PDLIM1: variants seen among roughly 807,000 people sequenced by gnomAD.
PDLIM1 encodes PDZ and LIM domain 1, also known as PDZ and LIM domain protein 1.
PDLIM1 carries 25 observed loss-of-function variants against 35.2 expected under a neutral mutation model. That is an observed-to-expected ratio of 0.71 (90% CI 0.52 to 0.99). The LOEUF (loss-of-function observed/expected upper bound fraction) is 0.99, where lower values mean the gene tolerates loss of function less well. Ranked by LOEUF, PDLIM1 falls within the 50% of genes least tolerant of loss-of-function variation. The pLI is 0.00. For synonymous variants in PDLIM1, 152 were observed against 154.0 expected (o/e 0.99, Z 0.10); for missense variants, 363 against 415.3 (o/e 0.87, Z 1.09).
In PDLIM1 at chr10:95,264,678, G is replaced by A. The variant is rs45600134; in HGVS notation, c.334-615C>T. On this transcript the variant is annotated intron_variant, in intron 3 of 6. Transcript: ENST00000329399. ...GACAAGGCTAATCAGATAGAAGGTCGGGGATACCTGTTACAGGGGCGGTAC... is the reference window on the plus strand; with the variant it reads ...GACAAGGCTAATCAGATAGAAGGTCAGGGATACCTGTTACAGGGGCGGTAC... 6.6e-5 allele frequency among the ~76,000 whole-genome samples: 10 copies of A among 152,228 alleles called. No individual in the cohort carries two copies. In the East Asian group the frequency reaches 1.9e-3, roughly 29 times the overall value.
intron 1 of PDLIM1, among the ~76,000 whole-genome samples, chr10:95,277,529 A>G (rs968795925): frequency 2.0e-5 from 3 of 151,856 alleles, no homozygotes; most frequent in African/African-American, 7.3e-5. Flanking sequence ...TGTAATCCCA[A>G]TTACTCAGGG....
intron 1 of PDLIM1, chr10:95,273,107 G>A (rs533564197): frequency 2.6e-4 from 40 of 152,242 alleles, no homozygotes; most frequent in African/African-American, 9.6e-4. Context: ...AAATATTACT[G>A]TCATCATCCC....
chr10:95,252,177 C>G (rs980101821), intron 4 of PDLIM1, among the ~76,000 whole-genome samples: 5 of 152,184 alleles, frequency 3.3e-5, no homozygotes, highest in Non-Finnish European at 7.3e-5. Flanking sequence ...CATATTTCAT[C>G]CTTACCCAGC....
chr10:95,238,236 G>T (rs1194083839), intron 6 of PDLIM1, 125 bp from the exon 7 acceptor site: 1 of 793,946 alleles, frequency 1.3e-6, no homozygotes, highest in Non-Finnish European at 2.0e-6. Context: ...CATCACAGGG[G>T]AAACCAGGGC....
chr10:95,284,467 C>A (rs2035585615), intron 1 of PDLIM1, among the ~76,000 whole-genome samples: 1 of 152,080 alleles, frequency 6.6e-6, no homozygotes, highest in Non-Finnish European at 1.5e-5. Context: ...AATTCTCCTG[C>A]CTCAGCCTCT....
intron 4 of PDLIM1, among the ~76,000 whole-genome samples, chr10:95,256,394 T>G (rs2035310788): frequency 6.6e-6 from 1 of 151,988 alleles, no homozygotes; most frequent in Admixed American, 6.6e-5. Flanking sequence ...CAAAACAACC[T>G]TGAGAAGGAA....
At chr10:95,270,837 G>A (rs1270669043) in intron 2 of PDLIM1, among the ~76,000 whole-genome samples, 2 of 151,850 alleles carry the variant, frequency 1.3e-5, no homozygotes, top group Non-Finnish European at 2.9e-5. Flanking sequence ...TGCAAACTCT[G>A]CCTCCTGGGT....
At chr10:95,258,214 G>A (rs1035671465) in intron 4 of PDLIM1, among the ~76,000 whole-genome samples, 4 of 151,774 alleles carry the variant, frequency 2.6e-5, no homozygotes, top group East Asian at 3.9e-4. Flanking sequence ...CCCACAACAC[G>A]TGGAATTCAA....
At chr10:95,280,063 G>GTTTTCTTTT (rs1284748018) in intron 1 of PDLIM1, among the ~76,000 whole-genome samples, 8 of 152,118 alleles carry the variant, frequency 5.3e-5, no homozygotes, top group Non-Finnish European at 1.0e-4. Flanking sequence ...GTCCTTTTTA[G>GTTTTCTTTT]TAAATTTTCT....
chr10:95,265,693 T>C (rs898485362), intron 3 of PDLIM1, among the ~76,000 whole-genome samples: 1 of 151,268 alleles, frequency 6.6e-6, no homozygotes, highest in Non-Finnish European at 1.5e-5. Context: ...ATCAGGAGGA[T>C]TGCTTGAGCC....
At chr10:95,238,916 C>T in intron 5 of PDLIM1, 1 of 445,956 alleles carries the variant, frequency 2.2e-6, no homozygotes, top group South Asian at 3.4e-5. Flanking sequence ...CCAAGACAAT[C>T]CTAAGCAAAA....
chr10:95,246,500 G>C (rs2035222737), intron 5 of PDLIM1, among the ~76,000 whole-genome samples: 1 of 152,152 alleles, frequency 6.6e-6, no homozygotes, highest in African/African-American at 2.4e-5. Context: ...CCAAGGACAA[G>C]AAAGCCTCTT....
chr10:95,277,712 C>CTTA (rs906057452), intron 1 of PDLIM1, among the ~76,000 whole-genome samples: 2 of 152,132 alleles, frequency 1.3e-5, no homozygotes, highest in African/African-American at 4.8e-5. Context: ...AACAATCTAT[C>CTTA]ATTTTCTGCT....
intron 2 of PDLIM1, among the ~76,000 whole-genome samples, chr10:95,270,283 A>AT (rs1283503247): frequency 1.3e-5 from 2 of 151,286 alleles, no homozygotes; most frequent in African/African-American, 2.4e-5. Flanking sequence ...TGTACAAAAT[A>AT]TTTTTATATA....
At chr10:95,247,046 C>CCTCT (rs71486754) in intron 5 of PDLIM1, among the ~76,000 whole-genome samples, 169 bp downstream of exon 5, 10 of 149,446 alleles carry the variant, frequency 6.7e-5, no homozygotes, top group East Asian at 2.0e-4. Flanking sequence ...GCACTCTCTT[C>CCTCT]CTCTCTCTCT....
At chr10:95,242,354 T>C (rs372216574) in intron 5 of PDLIM1, among the ~76,000 whole-genome samples, 129 of 152,276 alleles carry the variant, frequency 8.5e-4, no homozygotes, top group African/African-American at 3.0e-3. Flanking sequence ...AATGTCATTT[T>C]TTTTCATGAT....
chr10:95,256,362 A>C (rs2035310630), intron 4 of PDLIM1, among the ~76,000 whole-genome samples: 1 of 152,184 alleles, frequency 6.6e-6, no homozygotes, highest in South Asian at 2.1e-4. Flanking sequence ...ATTATATAAA[A>C]TCTCAAAGGA....
At chr10:95,278,324 G>A (rs1273770721) in intron 1 of PDLIM1, among the ~76,000 whole-genome samples, 1 of 152,208 alleles carries the variant, frequency 6.6e-6, no homozygotes, top group East Asian at 1.9e-4. Context: ...GGCAATTCAG[G>A]CAGAGCCCCC....
chr10:95,238,522 A>G, intron 6 of PDLIM1, 46 bp downstream of exon 6: 1 of 1,190,516 alleles, frequency 8.4e-7, no homozygotes, highest in Non-Finnish European at 1.3e-6. Context: ...TTCATGGTTT[A>G]CCCAACCTGC....
Sources: gnomAD v4.1 joint callset for allele counts (sites outside exome capture counted in the v4.1 genomes callset) on GRCh38, gnomAD v4.1.1 for gene constraint, MANE v1.5 for transcripts, NCBI Gene and HGNC (gene_info 2026-07-23, HGNC 2026-07-21) for gene names.